The following FRMD4A variants were observed in gnomAD, a reference collection of about 807,000 sequenced individuals.
FRMD4A encodes the protein FERM domain-containing protein 4A.
In FRMD4A, 29 loss-of-function variants were observed where a neutral mutation model predicts 129.1. The observed-to-expected ratio is 0.22, with a 90% confidence interval of 0.17 to 0.31. FRMD4A has a LOEUF of 0.31. Ranked by LOEUF, FRMD4A falls within the 10% of genes least tolerant of loss-of-function variation. The pLI, the probability that FRMD4A is intolerant of heterozygous loss-of-function variation, is 1.00. For missense variants in FRMD4A, 1,272 were observed against 1,375.8 expected (o/e 0.92, Z 1.19); for synonymous variants, 634 against 571.6 (o/e 1.11, Z -1.56).
chr10:13,884,162 A>ACACACACACACG (rs781772320), intron 2 of FRMD4A, among the ~76,000 whole-genome samples: 1 of 16,306 alleles, frequency 6.1e-5, no homozygotes, highest in East Asian at 9.0e-4. Context: ...ACTCTCACAC[A>ACACACACACACG]CACACTCACA....
chr10:13,747,533 A>AT (rs1472226096), intron 9 of FRMD4A, among the ~76,000 whole-genome samples: 2 of 151,546 alleles, frequency 1.3e-5, no homozygotes, highest in African/African-American at 4.8e-5. Context: ...GTCTCAAAAA[A>AT]AAAAATTAAT....
At chr10:13,734,934 T>C (rs2090548487) in intron 12 of FRMD4A, among the ~76,000 whole-genome samples, 1 of 152,058 alleles carries the variant, frequency 6.6e-6, no homozygotes, top group Non-Finnish European at 1.5e-5. Flanking sequence ...AGCGCAGTGG[T>C]GCGATCTCAG....
chr10:14,158,662 G>A (rs1163791266), intron 2 of FRMD4A, among the ~76,000 whole-genome samples: 2 of 151,314 alleles, frequency 1.3e-5, no homozygotes, highest in Non-Finnish European at 2.9e-5. Flanking sequence ...AGGAGAAGGG[G>A]GGCAAGAAAG....
At chr10:14,161,929 T>C (rs997844754) in intron 2 of FRMD4A, among the ~76,000 whole-genome samples, 1 of 152,008 alleles carries the variant, frequency 6.6e-6, no homozygotes, top group African/African-American at 2.4e-5. Flanking sequence ...TATGTACAAA[T>C]ATTATGTATC....
chr10:14,012,059 C>T (rs1005549608), intron 2 of FRMD4A, among the ~76,000 whole-genome samples: 20 of 150,400 alleles, frequency 1.3e-4, no homozygotes, highest in African/African-American at 4.9e-4. Context: ...ACCTATGGAA[C>T]AATATTACAT....
chr10:13,737,009 A>G (rs147917137), intron 12 of FRMD4A, among the ~76,000 whole-genome samples: 1,877 of 152,296 alleles, frequency 0.012, 66 homozygotes, highest in South Asian at 0.11. Context: ...TCAGCAAATA[A>G]CCTTATTTTC....
rs1425710879 is a variant in FRMD4A at position 13,797,319 on chromosome 10, TCA to T, written c.207-733_207-732del. Among the ~76,000 whole-genome samples the T allele has an allele frequency of 2.6e-5, 4 of 152,276 alleles. No individual in the cohort carries two copies. The East Asian group carries it at 7.7e-4, about 29-fold the overall frequency. On this transcript the variant is annotated intron_variant, in intron 4 of 24. Coordinates refer to ENST00000357447, the MANE Select transcript of FRMD4A (RefSeq NM_018027.5). ...ACATCTTGCTGGAGTGAAAAGCAAATCACACACAGTGTCTGAAAACGTTAAAC... is the reference window on the plus strand; with the variant it reads ...ACATCTTGCTGGAGTGAAAAGCAAATCACACAGTGTCTGAAAACGTTAAAC...
intron 2 of FRMD4A, among the ~76,000 whole-genome samples, chr10:14,277,868 C>T (rs975497277): frequency 9.9e-5 from 15 of 152,172 alleles, no homozygotes; most frequent in African/African-American, 3.6e-4. Context: ...AAGGTCATGT[C>T]CTCCCAATGG....
At chr10:14,148,908 G>A (rs368585041) in intron 2 of FRMD4A, among the ~76,000 whole-genome samples, 62 of 152,268 alleles carry the variant, frequency 4.1e-4, no homozygotes, top group African/African-American at 1.3e-3. Flanking sequence ...AGGGGTTTAC[G>A]CTAGGATTTT....
intron 12 of FRMD4A, among the ~76,000 whole-genome samples, chr10:13,730,567 C>G (rs1008241409): frequency 6.6e-6 from 1 of 152,170 alleles, no homozygotes; most frequent in South Asian, 2.1e-4. Flanking sequence ...CAACCTGACA[C>G]TGTCTCATTG....
intron 2 of FRMD4A, among the ~76,000 whole-genome samples, chr10:14,079,934 C>G (rs1835829618): frequency 6.6e-6 from 1 of 152,126 alleles, no homozygotes; most frequent in Non-Finnish European, 1.5e-5. Context: ...GAGGGTGAGT[C>G]TATACAATGA....
At chr10:13,812,983 T>A (rs778583293) in intron 3 of FRMD4A, among the ~76,000 whole-genome samples, 20 of 152,350 alleles carry the variant, frequency 1.3e-4, no homozygotes, top group Non-Finnish European at 2.5e-4. Context: ...CGCTGATGAA[T>A]TACGAAGTAG....
intron 12 of FRMD4A, among the ~76,000 whole-genome samples, chr10:13,733,983 C>T (rs190660539): frequency 6.6e-6 from 1 of 152,350 alleles, no homozygotes; most frequent in East Asian, 1.9e-4. Context: ...GAATGCCCAA[C>T]TGCCTACTAG....
At chr10:14,201,101 C>G (rs1395358134) in intron 2 of FRMD4A, among the ~76,000 whole-genome samples, 1 of 152,194 alleles carries the variant, frequency 6.6e-6, no homozygotes. Context: ...GGCCCACAGA[C>G]CCCTCCTCTC....
rs1564280389 is a variant in FRMD4A at position 14,089,638 on chromosome 10, AACAAAC to A, written c.46-230732_46-230727del. On this transcript the variant is annotated intron_variant, in intron 2 of 24. Transcript: ENST00000357447. ...TCAAGCAAAAAAAAAAACAAAAAAA[AACAAAC>A]AAAAAAAAAACAGAAGAAAGAAATA... Among the ~76,000 whole-genome samples the A allele has an allele frequency of 2.7e-4, 32 of 118,506 alleles. 1 individual carries two copies. Among genetic ancestry groups the A allele is most frequent in the African/African-American group, 1.2e-3 (32 of 27,072 alleles). The allele number at this position is 118,506 out of a possible 152,430, so 77.7% of individuals were successfully genotyped here.
At chr10:14,140,555 C>T (rs114161245) in intron 2 of FRMD4A, among the ~76,000 whole-genome samples, 6 of 152,146 alleles carry the variant, frequency 3.9e-5, no homozygotes, top group African/African-American at 7.2e-5. Flanking sequence ...CCTCTGAGGC[C>T]GGGCATCAGC....
intron 2 of FRMD4A, among the ~76,000 whole-genome samples, chr10:14,220,649 C>T (rs554766846): frequency 2.0e-5 from 3 of 152,270 alleles, no homozygotes; most frequent in South Asian, 2.1e-4. Flanking sequence ...CTCTTAAATT[C>T]GCTGACCTCA....
intron 15 of FRMD4A, chr10:13,685,583 C>T: frequency 1.0e-6 from 1 of 982,674 alleles, no homozygotes; most frequent in Non-Finnish European, 1.2e-6. Flanking sequence ...TCTGTGCTCC[C>T]AGCAAAGGAG....
Position 14,155,994 on chromosome 10 carries a change from G to T in FRMD4A, c.45+174064C>A, listed in dbSNP as rs1394050869. Among the ~76,000 whole-genome samples the T allele has an allele frequency of 2.0e-5, 3 of 152,122 alleles. No homozygotes were observed. The South Asian group carries it at 6.2e-4, about 32-fold the overall frequency. ...TGGAGAGCAATATAGTAAATGTTAG[G>T]ACACCTGTACCTCACAGCCCAGCAA... On this transcript the variant is annotated intron_variant, in intron 2 of 24. Transcript: ENST00000357447.
Sources: gnomAD v4.1 joint callset for allele counts (sites outside exome capture counted in the v4.1 genomes callset) on GRCh38, gnomAD v4.1.1 for gene constraint, MANE v1.5 for transcripts, NCBI Gene and HGNC (gene_info 2026-07-23, HGNC 2026-07-21) for gene names.